The following TBC1D16 variants were observed in gnomAD, a reference collection of about 807,000 sequenced individuals.
The protein encoded by TBC1D16 is TBC1 domain family member 16, also known as CTD-2529O21.1.
Under a neutral mutation model 74.7 loss-of-function variants are expected in TBC1D16, and 58 were observed. That is an observed-to-expected ratio of 0.78 (90% confidence interval 0.63 to 0.97). The LOEUF (loss-of-function observed/expected upper bound fraction) is 0.97, where lower values mean the gene tolerates loss of function less well. Among genes scored for constraint, TBC1D16 ranks in the 50% least tolerant of loss-of-function variants. The pLI is 0.00. For synonymous variants in TBC1D16, 493 were observed against 474.7 expected (o/e 1.04, Z -0.50); for missense variants, 1,014 against 1,079.5 (o/e 0.94, Z 0.85).
intron 3 of TBC1D16, among the ~76,000 whole-genome samples, chr17:79,967,768 C>G (rs1043510864): frequency 6.6e-6 from 1 of 152,090 alleles, no homozygotes; most frequent in African/African-American, 2.4e-5. Context: ...TACGGAAATA[C>G]AGAGGACCCA....
chr17:80,017,664 G>A (rs2036138398), intron 1 of TBC1D16, among the ~76,000 whole-genome samples: 1 of 119,810 alleles, frequency 8.3e-6, no homozygotes, highest in Non-Finnish European at 1.6e-5. Flanking sequence ...CTGGGCGACA[G>A]AGCAAGACTC....
At position 79,938,122 on chromosome 17, in the gene TBC1D16, G is replaced by A. The variant is rs1368194935; in HGVS notation, c.*2737C>T. ...CTCTCGCTGGCTGGGAATAATCCCG[G>A]GGCAACAGCTGCCGCGGGGTTTTTG... On this transcript the variant is annotated 3_prime_UTR_variant, in exon 12 of 12. Transcript: ENST00000310924. 1.3e-5 allele frequency: 2 copies of A among 152,198 alleles called. No homozygotes were observed. Among genetic ancestry groups the A allele is most frequent in the Non-Finnish European group, 2.9e-5 (2 of 68,042 alleles). 9.4% of individuals were successfully genotyped at this position (152,198 alleles called of 1,614,324 possible).
intron 1 of TBC1D16, among the ~76,000 whole-genome samples, chr17:80,025,214 CCA>C (rs1477004194): frequency 6.7e-6 from 1 of 149,898 alleles, no homozygotes; most frequent in African/African-American, 2.5e-5. Flanking sequence ...ATGACACACA[CCA>C]CACACAGCCA....
At chr17:80,016,479 G>A (rs1048847335) in intron 1 of TBC1D16, among the ~76,000 whole-genome samples, 2 of 152,134 alleles carry the variant, frequency 1.3e-5, no homozygotes, top group Non-Finnish European at 2.9e-5. Context: ...AGGGTCTCCG[G>A]GTATATGATC....
At position 79,983,862 on chromosome 17, in the gene TBC1D16, T is replaced by TA. The variant is rs1034579622; in HGVS notation, c.779+26297dup. Among the ~76,000 whole-genome samples the TA allele has an allele frequency of 4.6e-5, 7 of 152,132 alleles. No homozygotes were observed. Among genetic ancestry groups the TA allele is most frequent in the African/African-American group, 1.2e-4 (5 of 41,490 alleles). Reference sequence around the variant, plus strand: ...GGCATGTATCAAATATGACAAAATTTAAAAAAAATTTAAATTTATTTAGAG... The same window carrying TA: ...GGCATGTATCAAATATGACAAAATTTAAAAAAAAATTTAAATTTATTTAGAG... On this transcript the variant is annotated intron_variant, in intron 3 of 11. Coordinates refer to ENST00000310924, the MANE Select transcript of TBC1D16 (RefSeq NM_019020.4). This position sits in a 1 kb window ranked among gnomAD's most constrained non-coding sequence, Gnocchi z 5.6.
chr17:80,004,210 T>C (rs769391024), intron 3 of TBC1D16, among the ~76,000 whole-genome samples: 2 of 152,262 alleles, frequency 1.3e-5, no homozygotes, highest in Non-Finnish European at 2.9e-5. Flanking sequence ...ACCTGGGTTC[T>C]GTCTGCCCTG....
In TBC1D16 at chr17:79,936,935, TGTGTGC is replaced by T. The variant is rs151092217; in HGVS notation, c.*3918_*3923del. On this transcript the variant is annotated 3_prime_UTR_variant, in exon 12 of 12. Coordinates refer to ENST00000310924, the MANE Select transcript of TBC1D16 (RefSeq NM_019020.4). Reference sequence around the variant, plus strand: ...GTGTGTGTGTGTGTGTGTGTGTGTGTGTGTGCGCATTTTCCCAGGGGACCTCTCCTC... The same window carrying T: ...GTGTGTGTGTGTGTGTGTGTGTGTGTGCATTTTCCCAGGGGACCTCTCCTC... 4.5e-4 allele frequency: 69 copies of T among 152,506 alleles called. No individual in the cohort carries two copies. The highest frequency in any genetic ancestry group is 2.5e-3 in the East Asian group (13 of 5,158). 9.4% of individuals were successfully genotyped at this position (152,506 alleles called of 1,614,324 possible). A position where few individuals can be genotyped will look rare whatever the true frequency, so the allele number is the denominator to read the frequency against.
At chr17:79,996,785 G>C (rs887051043) in intron 3 of TBC1D16, among the ~76,000 whole-genome samples, 3 of 152,152 alleles carry the variant, frequency 2.0e-5, no homozygotes, top group African/African-American at 7.2e-5. Flanking sequence ...GACTCGGCAA[G>C]TGCATTTGTG....
At chr17:79,962,201 A>ATTTTTTTTTTT in intron 3 of TBC1D16, among the ~76,000 whole-genome samples, 1 of 64,920 alleles carries the variant, frequency 1.5e-5, no homozygotes. Flanking sequence ...ATCTCAACCT[A>ATTTTTTTTTTT]TTTTTTTTTT....
chr17:79,965,276 T>C (rs1213182192), intron 3 of TBC1D16, among the ~76,000 whole-genome samples: 1 of 152,030 alleles, frequency 6.6e-6, no homozygotes, highest in Non-Finnish European at 1.5e-5. Flanking sequence ...GAGACAGGGT[T>C]TCACCATGTT....
At chr17:80,033,012 G>T (rs968508740) in intron 1 of TBC1D16, among the ~76,000 whole-genome samples, 7 of 152,304 alleles carry the variant, frequency 4.6e-5, no homozygotes, top group African/African-American at 1.7e-4. Flanking sequence ...AAAGATAAGG[G>T]TACACATACG....
chr17:79,994,818 A>G lies in TBC1D16; in HGVS notation c.779+15342T>C, dbSNP rs569624223. On this transcript the variant is annotated intron_variant, in intron 3 of 11. Transcript: ENST00000310924. The surrounding 1 kb of genome is among the most constrained non-coding windows in gnomAD (Gnocchi z 4.6). ...AGCCACATGTGGCATCACACTTGAG[A>G]CGTGGTCTAGGTGTAAAGTACACGC... Among the ~76,000 whole-genome samples the G allele has an allele frequency of 2.6e-5, 4 of 152,330 alleles. No homozygotes were observed. The highest frequency in any genetic ancestry group is 9.6e-5 in the African/African-American group (4 of 41,592).
Position 79,942,103 on chromosome 17 carries a change from C to G in TBC1D16, c.2012G>C (p.Gly671Ala). 1 of 1,612,382 alleles carries G rather than the reference C, an allele frequency of 6.2e-7. No individual in the cohort carries two copies. The highest frequency in any genetic ancestry group is 2.2e-5 in the East Asian group (1 of 44,876). Residue 671 changes from glycine (G) to alanine (A), a missense_variant, in exon 11 of 12, where the codon GGA becomes GCA. Coordinates refer to ENST00000310924, the MANE Select transcript of TBC1D16 (RefSeq NM_019020.4). ...LATDQMLLHF[G>A]NLAMHMNGEL... ...CCCGTTCATGTGCATGGCCAGGTTT[C>G]CGAAGTGCAGGAGCATCTGGTCCGT...
chr17:79,973,910 A>G (rs73423966), intron 3 of TBC1D16, among the ~76,000 whole-genome samples: 4,715 of 152,256 alleles, frequency 0.031, 230 homozygotes, highest in African/African-American at 0.11. Flanking sequence ...ATAAAAGTTC[A>G]TTCTTACCAG....
intron 3 of TBC1D16, among the ~76,000 whole-genome samples, chr17:79,977,448 C>T (rs2034377753): frequency 6.6e-6 from 1 of 152,228 alleles, no homozygotes; most frequent in South Asian, 2.1e-4. Context: ...ATCTGCAACC[C>T]ACTGGTGTGT....
intron 7 of TBC1D16, among the ~76,000 whole-genome samples, chr17:79,949,337 T>A (rs571321161): frequency 1.2e-3 from 176 of 152,298 alleles, no homozygotes; most frequent in African/African-American, 4.0e-3. Context: ...CCCAGCCTCC[T>A]GGAGAGAGAG....
At chr17:79,996,519 G>A (rs780303436) in intron 3 of TBC1D16, among the ~76,000 whole-genome samples, 15 of 152,136 alleles carry the variant, frequency 9.9e-5, no homozygotes, top group Non-Finnish European at 1.9e-4. Context: ...CAAGGCACTC[G>A]TAAATTTCTG....
Position 79,983,558 on chromosome 17 carries a change from G to A in TBC1D16, c.779+26602C>T, listed in dbSNP as rs1056249129. On this transcript the variant is annotated intron_variant, in intron 3 of 11. Coordinates refer to ENST00000310924, the MANE Select transcript of TBC1D16 (RefSeq NM_019020.4). The surrounding 1 kb of genome is among the most constrained non-coding windows in gnomAD (Gnocchi z 5.6). Reference sequence around the variant, plus strand: ...AGGCACGGGGAGCTGAGCCACCGACGGCTACAAAGACGGGGACGCTTTCCT... The same window carrying A: ...AGGCACGGGGAGCTGAGCCACCGACAGCTACAAAGACGGGGACGCTTTCCT... Among the ~76,000 whole-genome samples, 1 of 152,196 alleles carries A rather than the reference G, an allele frequency of 6.6e-6. No homozygotes were observed. Among genetic ancestry groups the A allele is most frequent in the South Asian group, 2.1e-4 (1 of 4,828 alleles).
chr17:79,993,251 T>TC lies in TBC1D16; in HGVS notation c.779+16908dup, dbSNP rs1263714945. On this transcript the variant is annotated intron_variant, in intron 3 of 11. Coordinates refer to ENST00000310924, the MANE Select transcript of TBC1D16 (RefSeq NM_019020.4). This position sits in a 1 kb window ranked among gnomAD's most constrained non-coding sequence, Gnocchi z 5.1. ...CTGTCACCACCTGGGGGTAATAAGG[T>TC]CAGGGATATGCCCCAGGCCGCCTGC... Among the ~76,000 whole-genome samples the TC allele has an allele frequency of 1.9e-4, 29 of 152,250 alleles. No individual in the cohort carries two copies. The highest frequency in any genetic ancestry group is 6.7e-4 in the African/African-American group (28 of 41,540).
Sources: allele counts gnomAD v4.1 joint callset (sites outside exome capture counted in the v4.1 genomes callset), GRCh38; gene constraint gnomAD v4.1.1; non-coding constraint Gnocchi (gnomAD v3.1); transcripts MANE v1.5; gene names NCBI Gene and HGNC (gene_info 2026-07-23, HGNC 2026-07-21).